Variants in PLAC1 observed in about 807,000 individuals in gnomAD.
The protein encoded by PLAC1 is placenta associated 1.
For synonymous variants in PLAC1, 68 were observed against 62.1 expected, an observed-to-expected ratio of 1.09 and a Z score of -0.44; for missense variants, 136 against 163.2, an observed-to-expected ratio of 0.83 and a Z score of 0.91.
chrX:134,739,444 T>C (rs758272961), intron 1 of PLAC1, among the ~76,000 whole-genome samples: 1 of 112,396 alleles, frequency 8.9e-6, no homozygotes, highest in Non-Finnish European at 1.9e-5. Flanking sequence ...CTAGTGAGGA[T>C]AAGAGAGCCT....
chrX:134,630,628 G>C (rs1381862184), intron 1 of PLAC1, among the ~76,000 whole-genome samples: 1 of 111,762 alleles, frequency 8.9e-6, no homozygotes, highest in Non-Finnish European at 1.9e-5. Flanking sequence ...ACCACGAAGA[G>C]AGTATGTTGC....
At chrX:134,697,644 G>A (rs1027020428) in intron 2 of PLAC1, among the ~76,000 whole-genome samples, 1 of 111,864 alleles carries the variant, frequency 8.9e-6, no homozygotes, top group Non-Finnish European at 1.9e-5. Flanking sequence ...AAGGAGGGAG[G>A]ATGACTTGAG....
chrX:134,727,152 G>A (rs1318148579), intron 2 of PLAC1, among the ~76,000 whole-genome samples: 3 of 111,335 alleles, frequency 2.7e-5, no homozygotes, highest in African/African-American at 6.5e-5. Context: ...AGACAACTCC[G>A]GTTAGCAGGG....
At chrX:134,728,867 A>T (rs1480655264) in intron 2 of PLAC1, among the ~76,000 whole-genome samples, 1 of 111,924 alleles carries the variant, frequency 8.9e-6, no homozygotes, top group Non-Finnish European at 1.9e-5. Flanking sequence ...TATGATGCAC[A>T]TTTTTATAGA....
intron 1 of PLAC1, chrX:134,760,197 T>A (rs1469712367): frequency 8.9e-6 from 1 of 112,156 alleles, no homozygotes; most frequent in Admixed American, 9.5e-5. Context: ...TCATTTCTAT[T>A]TTTAGTTTAG....
At chrX:134,680,716 T>C (rs79641576) in intron 2 of PLAC1, among the ~76,000 whole-genome samples, 1 of 112,201 alleles carries the variant, frequency 8.9e-6, no homozygotes, top group African/African-American at 3.2e-5. Context: ...GCTGCAATTC[T>C]AGGCTTTTCA....
At chrX:134,714,978 A>G (rs2078639215) in intron 2 of PLAC1, among the ~76,000 whole-genome samples, 1 of 111,821 alleles carries the variant, frequency 8.9e-6, no homozygotes, top group African/African-American at 3.3e-5. Flanking sequence ...AGTGCTGAAC[A>G]TTTCAGGAAG....
intron 1 of PLAC1, among the ~76,000 whole-genome samples, chrX:134,634,661 T>A (rs2078275675): frequency 8.9e-6 from 1 of 112,322 alleles, no homozygotes; most frequent in Non-Finnish European, 1.9e-5. Context: ...AGCATTATGT[T>A]TGCAAAGTTC....
intron 1 of PLAC1, among the ~76,000 whole-genome samples, chrX:134,608,472 T>A: frequency 9.0e-6 from 1 of 111,218 alleles, no homozygotes. Flanking sequence ...ATATCCAGAA[T>A]GTTCACATCC....
At chrX:134,722,979 C>CA (rs745727243) in intron 2 of PLAC1, among the ~76,000 whole-genome samples, 4,997 of 82,401 alleles carry the variant, frequency 0.061, 306 homozygotes, top group African/African-American at 0.19. Flanking sequence ...GACTTTGTCT[C>CA]AAAAAAAAAA....
intron 2 of PLAC1, among the ~76,000 whole-genome samples, chrX:134,691,755 T>TG (rs779457746): frequency 9.0e-6 from 1 of 111,126 alleles, no homozygotes; most frequent in African/African-American, 3.3e-5. Flanking sequence ...CTAGATGAGA[T>TG]GGGGGGCACT....
intron 2 of PLAC1, among the ~76,000 whole-genome samples, chrX:134,674,557 A>T (rs895789167): frequency 8.9e-6 from 1 of 112,535 alleles, no homozygotes; most frequent in Admixed American, 9.3e-5. Context: ...CCTCAATCAC[A>T]TGCACTGTGA....
intron 2 of PLAC1, among the ~76,000 whole-genome samples, chrX:134,595,633 ATC>A (rs903827200): frequency 9.6e-6 from 1 of 103,648 alleles, no homozygotes; most frequent in Non-Finnish European, 2.0e-5. Context: ...ATATATATAT[ATC>A]TGATAATTTC....
chrX:134,734,178 C>G (rs1030117087), intron 1 of PLAC1, among the ~76,000 whole-genome samples: 6 of 112,793 alleles, frequency 5.3e-5, no homozygotes, highest in Non-Finnish European at 1.1e-4. Context: ...CCAGCCCTCT[C>G]AAATGTGTTG....
rs781384661 is a variant in PLAC1 at position 134,625,031 on chromosome X, G to A, written c.-130-22909C>T. ...AACAGATCTTTAAAAGATCCACATCGTATTTTGGGGCATGATCTATTACAG... is the reference window on the plus strand; with the variant it reads ...AACAGATCTTTAAAAGATCCACATCATATTTTGGGGCATGATCTATTACAG... On this transcript the variant is annotated intron_variant, in intron 1 of 2. Transcript: ENST00000359237. Among the ~76,000 whole-genome samples, 133 of 111,661 alleles carry A rather than the reference G, an allele frequency of 1.2e-3. 1 individual carries two copies. The highest frequency in any genetic ancestry group is 3.6e-4 in the Non-Finnish European group (19 of 53,126).
chrX:134,729,796 T>G lies in PLAC1; in HGVS notation n.174+3639A>C, dbSNP rs140475524. Among the ~76,000 whole-genome samples, 1,009 of 111,469 alleles carry G rather than the reference T, an allele frequency of 9.1e-3. 23 individuals carry two copies. In the East Asian group the frequency reaches 0.11, roughly 13 times the overall value. On this transcript the variant is annotated intron_variant and non_coding_transcript_variant, in intron 2 of 2. Coordinates refer to the PLAC1 transcript ENST00000466797. ...TTTTCTTTCTTTCTATCTTTTTTTT[T>G]GTTTTGTTTTTCGAGACGGAGTTTC... is the stretch of plus-strand genomic sequence containing the variant.
chrX:134,611,077 G>A (rs1455862122), intron 1 of PLAC1, among the ~76,000 whole-genome samples: 1 of 110,625 alleles, frequency 9.0e-6, no homozygotes, highest in Non-Finnish European at 1.9e-5. Context: ...ATGGGGTTTT[G>A]CCATGTTGCC....
intron 2 of PLAC1, among the ~76,000 whole-genome samples, chrX:134,669,851 T>A (rs780972033): frequency 8.9e-6 from 1 of 111,931 alleles, no homozygotes; most frequent in Non-Finnish European, 1.9e-5. Flanking sequence ...AAGTCTCCTG[T>A]TTCTCCCTCT....
intron 1 of PLAC1, among the ~76,000 whole-genome samples, chrX:134,740,270 T>C (rs1461131994): frequency 9.8e-6 from 1 of 102,202 alleles, no homozygotes; most frequent in Non-Finnish European, 2.0e-5. Context: ...TGAGCCAAGA[T>C]CGCGCCATTG....
Sources: gnomAD v4.1 joint callset for allele counts (sites outside exome capture counted in the v4.1 genomes callset) on GRCh38, gnomAD v4.1.1 for gene constraint, MANE v1.5 for transcripts, NCBI Gene and HGNC (gene_info 2026-07-23, HGNC 2026-07-21) for gene names.